ARAP2: variants seen among roughly 807,000 people sequenced by gnomAD.
ARAP2 encodes ArfGAP with RhoGAP domain, ankyrin repeat and PH domain 2, also known as arf-GAP with Rho-GAP domain, ANK repeat and PH domain-containing protein 2.
In ARAP2, 148 loss-of-function variants were observed where a neutral mutation model predicts 194.5. That is an observed-to-expected ratio of 0.76 (90% CI 0.67 to 0.87). The LOEUF (loss-of-function observed/expected upper bound fraction) is 0.87. ARAP2 is among the 40% of genes least tolerant of loss of function. ARAP2 has a pLI of 0.00. For synonymous variants in ARAP2, 695 were observed against 683.5 expected (o/e 1.02, Z -0.26); for missense variants, 2,128 against 1,989.7 (o/e 1.07, Z -1.32).
At chr4:36,140,139 TACACACACAC>T (rs66531233) in intron 19 of ARAP2, among the ~76,000 whole-genome samples, 15 of 140,384 alleles carry the variant, frequency 1.1e-4, no homozygotes, top group African/African-American at 1.6e-4. Flanking sequence ...ACAAAAACAA[TACACACACAC>T]ACACACACAC....
chr4:36,030,346 TTTG>T (rs1410292117), intron 5 of ARAP2, among the ~76,000 whole-genome samples: 1 of 152,128 alleles, frequency 6.6e-6, no homozygotes, highest in African/African-American at 2.4e-5. Flanking sequence ...CCTAGGGGAA[TTTG>T]TTATCTCCAA....
chr4:36,191,296 G>T (rs753861539), intron 7 of ARAP2, among the ~76,000 whole-genome samples: 45 of 151,736 alleles, frequency 3.0e-4, no homozygotes, highest in Middle Eastern at 6.8e-3. Flanking sequence ...AAAGAAACAG[G>T]GACTAAAAAA....
At chr4:36,026,745 G>A (rs1274021220) in intron 5 of ARAP2, among the ~76,000 whole-genome samples, 1 of 152,180 alleles carries the variant, frequency 6.6e-6, no homozygotes, top group Non-Finnish European at 1.5e-5. Context: ...GTGAATTATG[G>A]CTGAGCCTCC....
intron 2 of ARAP2, among the ~76,000 whole-genome samples, chr4:36,225,194 C>T (rs1750031145): frequency 1.3e-5 from 2 of 152,192 alleles, no homozygotes; most frequent in Non-Finnish European, 2.9e-5. Context: ...CCCACTACTT[C>T]TGCTTCTTCA....
intron 2 of ARAP2, among the ~76,000 whole-genome samples, chr4:36,057,006 T>C (rs1723626304): frequency 6.6e-6 from 1 of 151,846 alleles, no homozygotes. Flanking sequence ...CACTTCTACA[T>C]AGGACCAATT....
At chr4:36,094,272 T>C (rs1714577781) in intron 27 of ARAP2, among the ~76,000 whole-genome samples, 1 of 152,196 alleles carries the variant, frequency 6.6e-6, no homozygotes, top group Non-Finnish European at 1.5e-5. Flanking sequence ...AATAAAGTTT[T>C]ATTGGAATGC....
chr4:36,187,500 A>G lies in ARAP2; in HGVS notation c.1629T>C (p.Phe543=). ...AAGTTCTTTGTGTTGTAACAACTTC[A>G]AATTTGTTGTCTCCTTGAACTCGTA... is the stretch of plus-strand genomic sequence containing the variant. ...STVRVQGDNK[F]EVVTTQRTFV... Residue 543 remains phenylalanine (F), a synonymous_variant, in exon 8 of 33, where the codon TTT becomes TTC. Transcript: ENST00000303965. The G allele has an allele frequency of 6.5e-7, 1 of 1,538,782 alleles. No individual in the cohort carries two copies. The highest frequency in any genetic ancestry group is 8.8e-7 in the Non-Finnish European group (1 of 1,136,746).
In ARAP2 at chr4:36,213,268, A is replaced by T; in HGVS notation, c.1016T>A (p.Leu339His). ...CTTGGAATTTTCTAGTCTCTGGAAG[A>T]GAAAGGTCTCTCCATAAGGAAAGAT... Reference protein sequence around the residue: ...SSIFPYGETFLFQRLENSKKR... With the variant: ...SSIFPYGETFHFQRLENSKKR... The change falls in exon 4 of 33, where the codon CTC becomes CAC. Residue 339 changes from leucine to histidine, a missense_variant. Coordinates refer to ENST00000303965, the MANE Select transcript of ARAP2 (RefSeq NM_015230.4). 4 of 1,607,682 alleles carry T rather than the reference A, an allele frequency of 2.5e-6. No homozygotes were observed. The highest frequency in any genetic ancestry group is 3.4e-6 in the Non-Finnish European group (4 of 1,174,642).
At chr4:36,073,869 TG>T (rs1489470506) in intron 31 of ARAP2, 46 bp from the exon 32 acceptor site, 2 of 1,601,788 alleles carry the variant, frequency 1.2e-6, no homozygotes, top group South Asian at 2.2e-5. Context: ...TTTTATTATG[TG>T]GTATACTATG....
chr4:36,069,921 T>C (rs917500561), intron 32 of ARAP2, among the ~76,000 whole-genome samples: 4 of 152,072 alleles, frequency 2.6e-5, no homozygotes, highest in Non-Finnish European at 4.4e-5. Flanking sequence ...TTTAAAAGTG[T>C]GTAGCACCTT....
chr4:36,086,704 T>C (rs1711954749), intron 28 of ARAP2, among the ~76,000 whole-genome samples: 1 of 152,132 alleles, frequency 6.6e-6, no homozygotes, highest in Admixed American at 6.6e-5. Context: ...AGTTTTTAAG[T>C]TAGCCAATTA....
intron 27 of ARAP2, among the ~76,000 whole-genome samples, chr4:36,102,457 T>G (rs1212670853): frequency 6.6e-6 from 1 of 152,028 alleles, no homozygotes; most frequent in Admixed American, 6.6e-5. Flanking sequence ...AACTGTTTCA[T>G]ATATTTATAT....
chr4:36,190,511 A>T (rs115119228), intron 7 of ARAP2, among the ~76,000 whole-genome samples: 2,054 of 152,248 alleles, frequency 0.013, 31 homozygotes, highest in Non-Finnish European at 0.02. Flanking sequence ...TATTTCTTGA[A>T]ATTCATTTCT....
chr4:36,205,080 A>G (rs1405328152), intron 6 of ARAP2, among the ~76,000 whole-genome samples: 1 of 151,752 alleles, frequency 6.6e-6, no homozygotes, highest in Non-Finnish European at 1.5e-5. Context: ...AACATTGTCA[A>G]TGAAAAAAAT....
chr4:36,117,151 G>A lies in ARAP2; in HGVS notation c.3964-16C>T. ...CCTGGGAAACCTAGAAAAGGGCAGA[G>A]GTAGAAACAACACAGATAAACATAT... is the stretch of plus-strand genomic sequence containing the variant. On this transcript the variant is annotated splice_polypyrimidine_tract_variant and intron_variant, in intron 24 of 32. Transcript: ENST00000303965. The A allele has an allele frequency of 6.4e-7, 1 of 1,562,246 alleles. No homozygotes were observed. Among genetic ancestry groups the A allele is most frequent in the Non-Finnish European group, 8.7e-7 (1 of 1,150,944 alleles).
intron 6 of ARAP2, among the ~76,000 whole-genome samples, chr4:36,207,905 T>C (rs1000790128): frequency 6.6e-6 from 1 of 152,202 alleles, no homozygotes; most frequent in East Asian, 1.9e-4. Context: ...TTCTTATAAA[T>C]TGCTGTTTTA....
At chr4:36,161,182 CACACACAT>C (rs1183676569) in intron 12 of ARAP2, among the ~76,000 whole-genome samples, 1 of 123,736 alleles carries the variant, frequency 8.1e-6, no homozygotes, top group Non-Finnish European at 1.7e-5. Context: ...CACACACACA[CACACACAT>C]ATACAGTTCT....
chr4:36,063,749 T>C (rs1479941130), downstream of ARAP2, among the ~76,000 whole-genome samples: 2 of 152,208 alleles, frequency 1.3e-5, no homozygotes, highest in Admixed American at 1.3e-4. Context: ...TTACTGGCTG[T>C]TGTGAGGCAA....
At chr4:36,130,864 C>T (rs1188537794) in intron 20 of ARAP2, among the ~76,000 whole-genome samples, 2 of 151,876 alleles carry the variant, frequency 1.3e-5, no homozygotes, top group African/African-American at 4.8e-5. Flanking sequence ...GATAGTATAT[C>T]CCCAGCTGAA....
Sources: allele counts gnomAD v4.1 joint callset (sites outside exome capture counted in the v4.1 genomes callset), GRCh38; gene constraint gnomAD v4.1.1; transcripts MANE v1.5; gene names NCBI Gene and HGNC (gene_info 2026-07-23, HGNC 2026-07-21).